The following MPHOSPH8 variants were observed in gnomAD, a reference collection of about 807,000 sequenced individuals.
MPHOSPH8 encodes M-phase phosphoprotein, mpp.
In MPHOSPH8, 45 loss-of-function variants were observed where a neutral mutation model predicts 87.3. The ratio of observed to expected loss-of-function variants is 0.52; its 90% confidence interval spans 0.41 to 0.66. MPHOSPH8 has a LOEUF of 0.66. MPHOSPH8 is among the 30% of genes least tolerant of loss of function. The pLI is 0.00. For missense variants in MPHOSPH8, 883 were observed against 1,020.2 expected, an observed-to-expected ratio of 0.87 and a Z score of 1.83; for synonymous variants, 366 against 376.9, an observed-to-expected ratio of 0.97 and a Z score of 0.33.
In MPHOSPH8 at chr13:19,633,947, A is replaced by G. The variant is rs554482845; in HGVS notation, c.199A>G (p.Met67Val). 9.3e-6 allele frequency: 15 copies of G among 1,608,890 alleles called. No individual in the cohort carries two copies. Among genetic ancestry groups the G allele is most frequent in the Non-Finnish European group, 1.2e-5 (14 of 1,178,252 alleles). Residue 67 changes from methionine (M) to valine (V), a missense_variant, in exon 1 of 14, where the codon ATG (methionine) becomes GTG (valine). Around this residue, in one of 3 missense-constraint regions of MPHOSPH8, gnomAD observed 103 missense variants for 96.3 expected, o/e 1.07. Transcript: ENST00000361479. ...GTTCGAGGTGGAGAAGATCCTGGAC[A>G]TGAAGACCGAGGGGGTATGTGGAGG... The part of the protein sequence containing the change: ...DVFEVEKILD[M>V]KTEGGKVLYK...
intron 1 of MPHOSPH8, among the ~76,000 whole-genome samples, chr13:19,634,395 TG>T (rs1873877294): frequency 6.6e-6 from 1 of 152,228 alleles, no homozygotes; most frequent in South Asian, 2.1e-4. Context: ...CATTTGCCCT[TG>T]GAGTAAAATC....
intron 5 of MPHOSPH8, among the ~76,000 whole-genome samples, chr13:19,655,770 C>T (rs1875125183): frequency 6.6e-6 from 1 of 152,052 alleles, no homozygotes; most frequent in African/African-American, 2.4e-5. Context: ...CTACTCAGTA[C>T]AGTAAGACAA....
At chr13:19,637,358 C>T (rs1874061647) in intron 1 of MPHOSPH8, among the ~76,000 whole-genome samples, 2 of 152,054 alleles carry the variant, frequency 1.3e-5, no homozygotes, top group Admixed American at 6.6e-5. Context: ...ATTAGATAGA[C>T]TCTCATATAC....
Position 19,633,673 on chromosome 13 carries a change from C to A in MPHOSPH8, c.-76C>A. On this transcript the variant is annotated 5_prime_UTR_variant, in exon 1 of 14. Transcript: ENST00000361479. ...GTTACGCCGCTGATGTGGAGTAGGG[C>A]CGAGCGCGGAACGCGAGGGGCTGCT... 1 of 1,491,512 alleles carries A rather than the reference C, an allele frequency of 6.7e-7. No individual in the cohort carries two copies. Among genetic ancestry groups the A allele is most frequent in the Non-Finnish European group, 9.1e-7 (1 of 1,094,580 alleles). The allele number at this position is 1,491,512 out of a possible 1,614,324, so 92.4% of individuals were successfully genotyped here.
intron 7 of MPHOSPH8, chr13:19,660,858 TC>T (rs1875485441): frequency 1.1e-6 from 1 of 896,088 alleles, no homozygotes; most frequent in African/African-American, 1.8e-5. Context: ...TTTTGGATTT[TC>T]TAGGTAGAAA....
intron 5 of MPHOSPH8, 111 bp downstream of exon 5, chr13:19,650,371 A>G: frequency 8.0e-7 from 1 of 1,254,528 alleles, no homozygotes; most frequent in East Asian, 2.4e-5. Context: ...GGAGTCGAAG[A>G]GTTTATTTGG....
At chr13:19,659,702 T>TA (rs1232296391) in intron 7 of MPHOSPH8, 6 of 424,790 alleles carry the variant, frequency 1.4e-5, no homozygotes, top group African/African-American at 4.2e-5. Flanking sequence ...CTTTGTAAAA[T>TA]AAAAAAATTG....
chr13:19,633,896 G>T lies in MPHOSPH8; in HGVS notation c.148G>T (p.Asp50Tyr). 1 of 1,611,794 alleles carries T rather than the reference G, an allele frequency of 6.2e-7. No homozygotes were observed. The highest frequency in any genetic ancestry group is 8.5e-7 in the Non-Finnish European group (1 of 1,179,308). The change falls in exon 1 of 14, where the codon GAC becomes TAC. Residue 50 changes from aspartate to tyrosine, a missense_variant. Asp to Tyr is a radical substitution (Grantham distance 160). Around this residue, in one of 3 missense-constraint regions of MPHOSPH8, gnomAD observed 103 missense variants for 96.3 expected, o/e 1.07. Transcript: ENST00000361479. ...AAARGAEAFG[D>Y]SEEDGEDVFE... is the part of the protein sequence containing the mutation. The stretch of plus-strand genomic sequence containing the variant: ...CGCGAGAGGAGCGGAGGCCTTTGGC[G>T]ACAGTGAGGAGGACGGAGAGGATGT...
In MPHOSPH8 at chr13:19,633,694, C is replaced by G. The variant is rs1873825397; in HGVS notation, c.-55C>G. The G allele has an allele frequency of 6.5e-7, 1 of 1,539,808 alleles. No individual in the cohort carries two copies. The highest frequency in any genetic ancestry group is 8.8e-7 in the Non-Finnish European group (1 of 1,136,982). ...AGGGCCGAGCGCGGAACGCGAGGGG[C>G]TGCTGGGGTGTTTGTCGCAGCGGGT... On this transcript the variant is annotated 5_prime_UTR_variant, in exon 1 of 14. Coordinates refer to ENST00000361479, the MANE Select transcript of MPHOSPH8 (RefSeq NM_017520.4).
In MPHOSPH8 at chr13:19,650,455, C is replaced by T. The variant is rs918416365; in HGVS notation, c.1576+195C>T. 4 of 547,850 alleles carry T rather than the reference C, an allele frequency of 7.3e-6. No homozygotes were observed. In the South Asian group the frequency reaches 1.6e-4, roughly 23 times the overall value. 33.9% of individuals were successfully genotyped at this position (547,850 alleles called of 1,614,324 possible). On this transcript the variant is annotated intron_variant, in intron 5 of 13. Coordinates refer to ENST00000361479, the MANE Select transcript of MPHOSPH8 (RefSeq NM_017520.4). The stretch of plus-strand genomic sequence containing the variant: ...CTTCTCAATGGATCAAACAATTTTT[C>T]TGAGTTCCTATAATGTTCTCAGCAC...
At position 19,672,070 on chromosome 13, in the gene MPHOSPH8, T is replaced by A. The variant is rs932791505; in HGVS notation, c.*195T>A. ...CCAGTATGCCGGAATCTCAGTGCAG[T>A]GTCCAGACTGCGTATTTCAGTTTTT... On this transcript the variant is annotated 3_prime_UTR_variant, in exon 14 of 14. Transcript: ENST00000361479. The A allele has an allele frequency of 1.7e-6, 1 of 587,606 alleles. No individual in the cohort carries two copies. 36.4% of individuals were successfully genotyped at this position (587,606 alleles called of 1,614,324 possible). A position where few individuals can be genotyped will look rare whatever the true frequency, so the allele number is the denominator to read the frequency against.
At chr13:19,639,702 G>C (rs568881691) in intron 1 of MPHOSPH8, among the ~76,000 whole-genome samples, 1 of 152,280 alleles carries the variant, frequency 6.6e-6, no homozygotes, top group South Asian at 2.1e-4. Context: ...AGGGGTAAGA[G>C]AGGAGGGAAG....
intron 8 of MPHOSPH8, 80 bp from the exon 9 acceptor site, chr13:19,662,960 T>C: frequency 8.1e-7 from 1 of 1,235,808 alleles, no homozygotes; most frequent in Non-Finnish European, 1.2e-6. Flanking sequence ...TTTTTCCTGA[T>C]GACTAAAAAT....
At chr13:19,671,359 GA>G (rs999867757) in intron 13 of MPHOSPH8, 70 bp downstream of exon 13, 14 of 1,422,438 alleles carry the variant, frequency 9.8e-6, no homozygotes, top group African/African-American at 4.3e-5. Context: ...ATCAACATTA[GA>G]AAAAAAATTC....
At chr13:19,655,804 T>G (rs2137526065) in intron 5 of MPHOSPH8, among the ~76,000 whole-genome samples, 1 of 152,248 alleles carries the variant, frequency 6.6e-6, no homozygotes, top group Admixed American at 6.5e-5. Flanking sequence ...CCATAGGCAT[T>G]GGAAAGGAAC....
chr13:19,660,211 G>T (rs979771373), intron 7 of MPHOSPH8, among the ~76,000 whole-genome samples: 1 of 151,020 alleles, frequency 6.6e-6, no homozygotes, highest in Non-Finnish European at 1.5e-5. Context: ...CTTGTGATCT[G>T]CCTGCCTCCG....
intron 5 of MPHOSPH8, among the ~76,000 whole-genome samples, chr13:19,656,487 C>T (rs1437309866): frequency 2.6e-5 from 4 of 152,112 alleles, no homozygotes; most frequent in Non-Finnish European, 2.9e-5. Flanking sequence ...AGGCCGGGCG[C>T]GGTGGCTCAC....
Position 19,646,874 on chromosome 13 carries a change from T to C in MPHOSPH8, c.801T>C (p.Ser267=). The part of the protein sequence containing the change: ...FVESQVESES[S]VLNDSPFPED... ...AATCCCAGGTGGAATCTGAATCAAG[T>C]GTACTTAATGATTCTCCCTTTCCAG... The change falls in exon 3 of 14, where the codon AGT becomes AGC. Residue 267 remains serine (S), a synonymous_variant. Transcript: ENST00000361479. 6.2e-6 allele frequency: 10 copies of C among 1,603,458 alleles called. No homozygotes were observed. Among genetic ancestry groups the C allele is most frequent in the Non-Finnish European group, 8.5e-6 (10 of 1,177,404 alleles).
chr13:19,636,705 G>A (rs942759250), intron 1 of MPHOSPH8, among the ~76,000 whole-genome samples: 1 of 151,912 alleles, frequency 6.6e-6, no homozygotes, highest in African/African-American at 2.4e-5. Context: ...TGAACTCCTG[G>A]GCTCAAGTGA....
Sources: allele counts gnomAD v4.1 joint callset (sites outside exome capture counted in the v4.1 genomes callset), GRCh38; gene constraint gnomAD v4.1.1; regional missense constraint gnomAD v4.1.1; transcripts MANE v1.5; gene names NCBI Gene and HGNC (gene_info 2026-07-23, HGNC 2026-07-21).